Variants in RBFOX1 observed in about 807,000 individuals in gnomAD.
RBFOX1 encodes RNA binding fox-1 homolog 1.
In RBFOX1, 8 loss-of-function variants were observed where a neutral mutation model predicts 57.7. The ratio of observed to expected loss-of-function variants is 0.14; its 90% CI spans 0.08 to 0.25. The LOEUF (loss-of-function observed/expected upper bound fraction) is 0.25, where lower values mean the gene tolerates loss of function less well. RBFOX1 is among the 10% of genes least tolerant of loss of function. The pLI, the probability that RBFOX1 is intolerant of heterozygous loss-of-function variation, is 1.00. For synonymous variants in RBFOX1, 326 were observed against 222.4 expected (o/e 1.47, Z -4.15); for missense variants, 611 against 548.5 (o/e 1.11, Z -1.14).
intron 2 of RBFOX1, among the ~76,000 whole-genome samples, chr16:6,339,251 C>T (rs762145466): frequency 3.9e-5 from 6 of 152,170 alleles, no homozygotes; most frequent in Non-Finnish European, 8.8e-5. Flanking sequence ...GACTTTCATA[C>T]TAAAGCCAGG....
intron 2 of RBFOX1, among the ~76,000 whole-genome samples, chr16:5,538,777 C>G (rs58568767): frequency 0.13 from 20,023 of 152,050 alleles, 1,808 homozygotes; most frequent in African/African-American, 0.26. Context: ...CAGGCACGCA[C>G]CACCATGCCC....
intron 1 of RBFOX1, among the ~76,000 whole-genome samples, chr16:6,155,375 T>A (rs2096831172): frequency 6.6e-6 from 1 of 152,094 alleles, no homozygotes; most frequent in Admixed American, 6.5e-5. Context: ...GCCCACAGAT[T>A]TAGAAACAGA....
chr16:6,461,357 A>G (rs1024808687), intron 2 of RBFOX1, among the ~76,000 whole-genome samples: 2 of 152,204 alleles, frequency 1.3e-5, no homozygotes, highest in African/African-American at 4.8e-5. Flanking sequence ...TAAAGACCTT[A>G]TCTCCAAATA....
At position 7,696,668 on chromosome 16, in the gene RBFOX1, C is replaced by T. The variant is rs147637580; in HGVS notation, c.996-12388C>T. ...AAAAGACCTTCATGGTATGGGAGAA[C>T]AGATCCCAAAGCACGTATATGAATA... On this transcript the variant is annotated intron_variant, in intron 14 of 15. Coordinates refer to ENST00000550418, the MANE Select transcript of RBFOX1 (RefSeq NM_018723.4). Among the ~76,000 whole-genome samples, 1,140 of 152,200 alleles carry T rather than the reference C, an allele frequency of 7.5e-3. 15 individuals are homozygous for T. Among genetic ancestry groups the T allele is most frequent in the African/African-American group, 0.024 (987 of 41,508 alleles).
intron 2 of RBFOX1, among the ~76,000 whole-genome samples, chr16:5,531,175 A>T (rs2044463445): frequency 6.6e-6 from 1 of 152,028 alleles, no homozygotes; most frequent in African/African-American, 2.4e-5. Flanking sequence ...TGGTCTGGGA[A>T]GGTGGGATAC....
At chr16:5,570,099 G>T (rs1045903876) in intron 2 of RBFOX1, among the ~76,000 whole-genome samples, 1 of 152,152 alleles carries the variant, frequency 6.6e-6, no homozygotes, top group African/African-American at 2.4e-5. Flanking sequence ...GTCACAGCCT[G>T]GGTGAGTCTT....
intron 2 of RBFOX1, among the ~76,000 whole-genome samples, chr16:6,433,973 A>C (rs1275574750): frequency 1.3e-5 from 2 of 150,246 alleles, no homozygotes; most frequent in Non-Finnish European, 3.0e-5. Flanking sequence ...TCATCCTCCC[A>C]AGTAGCTGGG....
intron 3 of RBFOX1, among the ~76,000 whole-genome samples, chr16:6,666,573 G>A (rs1286062477): frequency 6.6e-6 from 1 of 150,418 alleles, no homozygotes; most frequent in Non-Finnish European, 1.5e-5. Flanking sequence ...TCATGTCACT[G>A]AGGTCACCCA....
chr16:5,371,274 A>T (rs560296081), intron 1 of RBFOX1, among the ~76,000 whole-genome samples: 62 of 152,300 alleles, frequency 4.1e-4, no homozygotes, highest in Non-Finnish European at 7.5e-4. Flanking sequence ...AGAGGGCATT[A>T]GGTTAAAATG....
At position 6,993,868 on chromosome 16, in the gene RBFOX1, C is replaced by G. The variant is rs948592024; in HGVS notation, c.-15-58189C>G. 5.3e-5 allele frequency among the ~76,000 whole-genome samples: 8 copies of G among 152,104 alleles called. 1 individual carries two copies. Among genetic ancestry groups the G allele is most frequent in the African/African-American group, 1.7e-4 (7 of 41,430 alleles). ...CTTGTGAAGCAATACCACCTCTTCC[C>G]CGAACGTCTCTCAGGGACAACATTA... On this transcript the variant is annotated intron_variant, in intron 3 of 15. Coordinates refer to ENST00000550418, the MANE Select transcript of RBFOX1 (RefSeq NM_018723.4).
At chr16:7,212,016 G>T (rs777658557) in intron 4 of RBFOX1, among the ~76,000 whole-genome samples, 1 of 152,052 alleles carries the variant, frequency 6.6e-6, no homozygotes, top group African/African-American at 2.4e-5. Flanking sequence ...GCCTTGCCTG[G>T]CTGAGTCACG....
intron 4 of RBFOX1, among the ~76,000 whole-genome samples, chr16:5,928,561 G>C (rs1003112835): frequency 6.6e-6 from 1 of 151,978 alleles, no homozygotes; most frequent in Non-Finnish European, 1.5e-5. Flanking sequence ...TGTTATGTTA[G>C]GTAACACTGG....
intron 2 of RBFOX1, among the ~76,000 whole-genome samples, chr16:6,506,740 A>G (rs2153752216): frequency 1.4e-5 from 2 of 138,912 alleles, no homozygotes; most frequent in Admixed American, 1.6e-4. Context: ...TTCTGCCTCC[A>G]GGTTCAGGTG....
At chr16:7,426,304 C>T (rs1350859604) in intron 4 of RBFOX1, among the ~76,000 whole-genome samples, 1 of 152,170 alleles carries the variant, frequency 6.6e-6, no homozygotes, top group Non-Finnish European at 1.5e-5. Context: ...AGCAATTTGC[C>T]TATAGTTGCA....
At position 6,698,716 on chromosome 16, in the gene RBFOX1, C is replaced by G. The variant is rs17140961; in HGVS notation, c.-16+44066C>G. 7.7e-3 allele frequency among the ~76,000 whole-genome samples: 1,168 copies of G among 152,274 alleles called. 19 individuals carry two copies. The highest frequency in any genetic ancestry group is 0.026 in the African/African-American group (1,095 of 41,548). ...TTCAGCATCTCCCACCTGCTGTCCTCCAAGCCGTTCTCAAATCCCACATCT... is the reference window on the plus strand; with the variant it reads ...TTCAGCATCTCCCACCTGCTGTCCTGCAAGCCGTTCTCAAATCCCACATCT... On this transcript the variant is annotated intron_variant, in intron 3 of 15. Transcript: ENST00000550418.
intron 1 of RBFOX1, among the ~76,000 whole-genome samples, chr16:6,297,351 C>T (rs560803051): frequency 1.2e-4 from 18 of 152,190 alleles, no homozygotes; most frequent in Admixed American, 2.0e-4. Flanking sequence ...CTGGTTCACA[C>T]GCCTCTGACA....
intron 1 of RBFOX1, among the ~76,000 whole-genome samples, chr16:5,262,569 G>A (rs2062761453): frequency 6.6e-6 from 1 of 152,218 alleles, no homozygotes; most frequent in Non-Finnish European, 1.5e-5. Flanking sequence ...GGACTCCTTA[G>A]CCTCCATAAC....
At chr16:6,725,082 G>C (rs796590292) in intron 3 of RBFOX1, among the ~76,000 whole-genome samples, 8 of 110,750 alleles carry the variant, frequency 7.2e-5, no homozygotes, top group African/African-American at 2.8e-4. Flanking sequence ...ACAAAGTCTT[G>C]CTCTGTCGCC....
At chr16:5,655,684 T>C (rs1225664729) in intron 3 of RBFOX1, among the ~76,000 whole-genome samples, 1 of 152,212 alleles carries the variant, frequency 6.6e-6, no homozygotes, top group East Asian at 1.9e-4. Context: ...CATTTGTACC[T>C]CTTTCTCATC....
Sources: gnomAD v4.1 joint callset for allele counts (sites outside exome capture counted in the v4.1 genomes callset) on GRCh38, gnomAD v4.1.1 for gene constraint, MANE v1.5 for transcripts, NCBI Gene and HGNC (gene_info 2026-07-23, HGNC 2026-07-21) for gene names.